Variants in POU2F1 observed in about 807,000 individuals in gnomAD.
The protein encoded by POU2F1 is POU domain, class 2, transcription factor 1.
A neutral mutation model predicts 84.9 loss-of-function variants in POU2F1; 16 were observed. The ratio of observed to expected loss-of-function variants is 0.19; its 90% CI spans 0.13 to 0.29. POU2F1 has a LOEUF of 0.29. Among genes scored for constraint, POU2F1 ranks in the 10% least tolerant of loss-of-function variants. POU2F1 has a pLI of 1.00. For synonymous variants in POU2F1, 368 were observed against 368.3 expected (o/e 1.00, Z 0.01); for missense variants, 738 against 942.6 (o/e 0.78, Z 2.84).
At chr1:167,393,642 G>A (rs1165487373) in intron 9 of POU2F1, among the ~76,000 whole-genome samples, 1 of 152,110 alleles carries the variant, frequency 6.6e-6, no homozygotes, top group Non-Finnish European at 1.5e-5. Context: ...GGGACTACAG[G>A]CACATGCACC....
At chr1:167,315,353 A>G (rs544712138) in intron 1 of POU2F1, among the ~76,000 whole-genome samples, 4 of 152,332 alleles carry the variant, frequency 2.6e-5, no homozygotes, top group South Asian at 2.1e-4. Flanking sequence ...TGCTTTGCCA[A>G]TATTTTTCCC....
Position 167,383,932 on chromosome 1 carries a change from G to A in POU2F1, c.794G>A (p.Ser265Asn), listed in dbSNP as rs932101777. 6.2e-7 allele frequency: 1 copy of A among 1,613,406 alleles called. No individual in the cohort carries two copies. The highest frequency in any genetic ancestry group is 8.5e-7 in the Non-Finnish European group (1 of 1,179,594). ...GCCAACCTCCTACAGTCGCAGCCAA[G>A]CATCACCCTCACCTCCCAGGTCAGT... is the stretch of plus-strand genomic sequence containing the variant. ...SQANLLQSQP[S>N]ITLTSQPATP... The change falls in exon 8 of 16, where the codon AGC (serine) becomes AAC (asparagine). Residue 265 changes from serine to asparagine, a missense_variant. By Grantham distance (46) the Ser-to-Asn change is conservative (BLOSUM62 1). This residue lies in a region of POU2F1 where 163 missense variants were observed against 214.4 expected (regional missense o/e 0.76). Transcript: ENST00000367866.
intron 12 of POU2F1, among the ~76,000 whole-genome samples, chr1:167,400,568 C>G (rs895689014): frequency 1.3e-5 from 2 of 152,194 alleles, no homozygotes; most frequent in Admixed American, 6.5e-5. Flanking sequence ...AGGTCTTTTA[C>G]TTTGAAACAA....
rs958957647 is a variant in POU2F1, at chr1:167,237,739, T to A, written c.61+16781T>A. On this transcript the variant is annotated intron_variant, in intron 1 of 15. Transcript: ENST00000367866. ...GTTTTATTTTTTAAATCCATATATG[T>A]GTGTGTGTATATATATATATATATA... 1.9e-3 allele frequency among the ~76,000 whole-genome samples: 144 copies of A among 74,058 alleles called. 1 individual carries two copies. Among genetic ancestry groups the A allele is most frequent in the African/African-American group, 7.4e-3 (143 of 19,306 alleles). The allele number at this position is 74,058 out of a possible 152,430, so 48.6% of individuals were successfully genotyped here.
At chr1:167,410,722 G>C (rs1291203796) in intron 13 of POU2F1, among the ~76,000 whole-genome samples, 2 of 151,858 alleles carry the variant, frequency 1.3e-5, no homozygotes, top group African/African-American at 4.8e-5. Context: ...CACCACATTG[G>C]CCAGGCTGGT....
intron 2 of POU2F1, chr1:167,338,189 C>T (rs1402126143): frequency 2.1e-6 from 1 of 468,350 alleles, no homozygotes; most frequent in Non-Finnish European, 4.4e-6. Flanking sequence ...CCTGTTCCTC[C>T]TTCTCAGCCT....
At chr1:167,321,442 C>A (rs1334313380) in intron 1 of POU2F1, among the ~76,000 whole-genome samples, 2 of 152,184 alleles carry the variant, frequency 1.3e-5, no homozygotes, top group Non-Finnish European at 2.9e-5. Flanking sequence ...AGAAGGCAAT[C>A]CTGGCTGTAA....
intron 1 of POU2F1, among the ~76,000 whole-genome samples, chr1:167,223,772 T>A (rs530259396): frequency 3.9e-5 from 6 of 152,202 alleles, no homozygotes; most frequent in African/African-American, 1.4e-4. Flanking sequence ...TTCAGGTGAA[T>A]GACTGCTTCA....
At chr1:167,316,070 G>A (rs1655872522) in intron 1 of POU2F1, among the ~76,000 whole-genome samples, 1 of 152,164 alleles carries the variant, frequency 6.6e-6, no homozygotes, top group Non-Finnish European at 1.5e-5. Flanking sequence ...ATTAGAAATA[G>A]CCAGAGGGAT....
At chr1:167,272,582 A>G (rs984899991) in intron 1 of POU2F1, among the ~76,000 whole-genome samples, 37 of 152,112 alleles carry the variant, frequency 2.4e-4, no homozygotes, top group Admixed American at 3.3e-4. Context: ...GGAAGCAAGC[A>G]GGTCTTTTAT....
At chr1:167,389,816 T>A in intron 9 of POU2F1, 55 bp downstream of exon 9, 1 of 1,553,134 alleles carries the variant, frequency 6.4e-7, no homozygotes. Context: ...CCAAATACAG[T>A]TGGCTCTCTG....
At chr1:167,396,468 A>C in intron 10 of POU2F1, 41 bp downstream of exon 10, 1 of 1,579,900 alleles carries the variant, frequency 6.3e-7, no homozygotes. Context: ...ATTCATTGGA[A>C]TTTTACATGG....
intron 1 of POU2F1, among the ~76,000 whole-genome samples, chr1:167,252,844 T>C (rs1367453680): frequency 1.3e-5 from 2 of 152,246 alleles, no homozygotes; most frequent in African/African-American, 2.4e-5. Flanking sequence ...TTTGATCTTA[T>C]GTGTAATGAC....
intron 15 of POU2F1, among the ~76,000 whole-genome samples, chr1:167,415,051 C>T (rs1336892212): frequency 6.6e-6 from 1 of 152,192 alleles, no homozygotes; most frequent in Admixed American, 6.5e-5. Flanking sequence ...AGGCAGGCCT[C>T]AGGCTGTAAT....
chr1:167,293,020 G>C lies in POU2F1; in HGVS notation c.62-39450G>C, dbSNP rs76861052. On this transcript the variant is annotated intron_variant, in intron 1 of 15. Transcript: ENST00000367866. Reference sequence around the variant, plus strand: ...GGGACTTTTACCTTAAATTAGTAAAGCCATATCTGACAAACCCACAGCAAA... The same window carrying C: ...GGGACTTTTACCTTAAATTAGTAAACCCATATCTGACAAACCCACAGCAAA... Among the ~76,000 whole-genome samples, 287 of 152,188 alleles carry C rather than the reference G, an allele frequency of 1.9e-3. 9 individuals carry two copies. The East Asian group carries it at 0.053, about 28-fold the overall frequency.
Position 167,381,461 on chromosome 1 carries a change from C to T in POU2F1, c.719-2396C>T, listed in dbSNP as rs182760578. Reference sequence around the variant, plus strand: ...CAGCTGACCTTGTTTGGGGGTAAAACCTAAGGTTTGAATTTGTTTACTTAT... The same window carrying T: ...CAGCTGACCTTGTTTGGGGGTAAAATCTAAGGTTTGAATTTGTTTACTTAT... On this transcript the variant is annotated intron_variant, in intron 7 of 15. Transcript: ENST00000367866. 4.5e-4 allele frequency among the ~76,000 whole-genome samples: 69 copies of T among 152,156 alleles called. 1 individual carries two copies. Among genetic ancestry groups the T allele is most frequent in the African/African-American group, 1.6e-3 (66 of 41,512 alleles).
At chr1:167,309,939 T>C (rs1655342745) in intron 1 of POU2F1, among the ~76,000 whole-genome samples, 1 of 152,172 alleles carries the variant, frequency 6.6e-6, no homozygotes, top group Non-Finnish European at 1.5e-5. Context: ...TTTTACTGTT[T>C]TTAAGTCAAT....
At chr1:167,234,770 CAT>C (rs1055379192) in intron 1 of POU2F1, among the ~76,000 whole-genome samples, 2 of 152,070 alleles carry the variant, frequency 1.3e-5, no homozygotes, top group African/African-American at 4.8e-5. Context: ...GCTAATTACA[CAT>C]GTTAACCTTG....
chr1:167,331,526 T>C (rs1657085893), intron 1 of POU2F1, among the ~76,000 whole-genome samples: 1 of 152,104 alleles, frequency 6.6e-6, no homozygotes, highest in Non-Finnish European at 1.5e-5. Context: ...GCAGAACTTA[T>C]TTGACAGTAA....
Sources: gnomAD v4.1 joint callset for allele counts (sites outside exome capture counted in the v4.1 genomes callset) on GRCh38, gnomAD v4.1.1 for gene constraint, gnomAD v4.1.1 regional missense constraint, MANE v1.5 for transcripts, NCBI Gene and HGNC (gene_info 2026-07-23, HGNC 2026-07-21) for gene names.